The following USP54 variants were observed in gnomAD, a reference collection of about 807,000 sequenced individuals.
USP54 encodes the protein ubiquitin specific peptidase 54.
Under a neutral mutation model 170.5 loss-of-function variants are expected in USP54, and 87 were observed. The observed-to-expected ratio is 0.51, with a 90% CI of 0.43 to 0.61. The LOEUF (loss-of-function observed/expected upper bound fraction) is 0.61. USP54 is among the 20% of genes least tolerant of loss of function. USP54 has a pLI of 0.00. For synonymous variants in USP54, 655 were observed against 742.8 expected, an observed-to-expected ratio of 0.88 and a Z score of 1.92; for missense variants, 1,786 against 2,047.8, an observed-to-expected ratio of 0.87 and a Z score of 2.47.
At chr10:73,594,161 C>T (rs1467658649), upstream of USP54, among the ~76,000 whole-genome samples, 1 of 152,030 alleles carries the variant, frequency 6.6e-6, no homozygotes, top group Non-Finnish European at 1.5e-5. Flanking sequence ...ACCTCCACTT[C>T]CCAGGTTCAA....
chr10:73,506,446 T>C (rs1454556245), intron 20 of USP54: 8 of 152,336 alleles, frequency 5.3e-5, no homozygotes, highest in African/African-American at 1.9e-4. Flanking sequence ...AATTAAGTTT[T>C]CCATTCCAAA....
At chr10:73,576,506 GA>G (rs112010968) in intron 1 of USP54, 145 bp from the exon 2 acceptor site, 5,261 of 74,828 alleles carry the variant, frequency 0.07, 139 homozygotes, top group South Asian at 0.19. Flanking sequence ...AAGAAAAAAA[GA>G]AAAAAAAAAA....
At chr10:73,625,979 T>A (rs2081510730), upstream of USP54, 1 of 150,536 alleles carries the variant, frequency 6.6e-6, no homozygotes, top group African/African-American at 2.4e-5. Flanking sequence ...CTGCTATAGC[T>A]ACAGGGAGCC....
chr10:73,553,948 T>G (rs1352427679), intron 4 of USP54, among the ~76,000 whole-genome samples: 2 of 152,230 alleles, frequency 1.3e-5, no homozygotes, highest in South Asian at 2.1e-4. Flanking sequence ...TCTATCCACA[T>G]GAGCACATAA....
At chr10:73,500,262 C>T (rs567908366) in intron 23 of USP54, among the ~76,000 whole-genome samples, 9 of 152,270 alleles carry the variant, frequency 5.9e-5, no homozygotes, top group African/African-American at 2.2e-4. Flanking sequence ...CTAGACCATC[C>T]CTCAGCTGAG....
At chr10:73,572,281 A>G (rs147337027) in intron 3 of USP54, among the ~76,000 whole-genome samples, 1 of 152,344 alleles carries the variant, frequency 6.6e-6, no homozygotes, top group Non-Finnish European at 1.5e-5. Flanking sequence ...CAGGAGCCTA[A>G]GAAGACATGA....
At chr10:73,569,646 G>A (rs1018919406) in intron 4 of USP54, among the ~76,000 whole-genome samples, 3 of 151,324 alleles carry the variant, frequency 2.0e-5, no homozygotes, top group Non-Finnish European at 2.9e-5. Flanking sequence ...CCAGCTACTC[G>A]GGAGGTTGAG....
chr10:73,605,164 G>A (rs113353895), intron 1 of USP54, among the ~76,000 whole-genome samples: 5,472 of 152,146 alleles, frequency 0.036, 153 homozygotes, highest in South Asian at 0.12. Context: ...GTCCCCACTC[G>A]ACCCAGGAGG....
At chr10:73,575,216 CTCTG>C (rs2075947561) in intron 3 of USP54, among the ~76,000 whole-genome samples, 1 of 152,174 alleles carries the variant, frequency 6.6e-6, no homozygotes, top group East Asian at 1.9e-4. Context: ...CAGAGCAAGA[CTCTG>C]TCTGAAAGAT....
At position 73,500,802 on chromosome 10, in the gene USP54, G is replaced by A; in HGVS notation, c.4348C>T (p.His1450Tyr). The A allele has an allele frequency of 5.0e-6, 8 of 1,599,260 alleles. No individual in the cohort carries two copies. The highest frequency in any genetic ancestry group is 5.1e-6 in the Non-Finnish European group (6 of 1,174,918). The change falls in exon 23 of 24, where the codon CAC (histidine) becomes TAC (tyrosine). Residue 1450 changes from histidine (H) to tyrosine (Y), a missense_variant. By Grantham distance (83) the His-to-Tyr change is moderately conservative. This residue lies in a region of USP54 where 1,418 missense variants were observed against 1,569.0 expected (regional missense o/e 0.90). Transcript: ENST00000687698. ...AGGGAAGAGGAGCTGGAACAACGGT[G>A]CCCGGTTTCCAAAGGCTTCCTCACG... is the stretch of plus-strand genomic sequence containing the variant. ...SNVRKPLETG[H>Y]RCSSSSSLPV...
At chr10:73,528,930 T>C (rs1159417097) in intron 15 of USP54, 2 of 152,226 alleles carry the variant, frequency 1.3e-5, no homozygotes, top group African/African-American at 4.8e-5. Context: ...ATTTTTTTTG[T>C]TTTTGTGGCA....
chr10:73,593,849 C>G (rs950352029), upstream of USP54, among the ~76,000 whole-genome samples: 5 of 152,070 alleles, frequency 3.3e-5, no homozygotes, highest in Non-Finnish European at 7.4e-5. Context: ...TAAGGTACAA[C>G]AGAATGTTCA....
At chr10:73,564,113 T>C (rs2073760312) in intron 4 of USP54, among the ~76,000 whole-genome samples, 1 of 152,046 alleles carries the variant, frequency 6.6e-6, no homozygotes, top group South Asian at 2.1e-4. Flanking sequence ...GTGAACCTCC[T>C]GCCTCAGCCT....
chr10:73,596,024 T>C (rs1485529574), upstream of USP54, among the ~76,000 whole-genome samples: 1 of 150,692 alleles, frequency 6.6e-6, no homozygotes, highest in African/African-American at 2.4e-5. Flanking sequence ...GGCAGGAGAA[T>C]CGCTTGAACC....
intron 15 of USP54, among the ~76,000 whole-genome samples, chr10:73,527,498 C>CAAA (rs931778033): frequency 1.9e-5 from 1 of 52,088 alleles, no homozygotes; most frequent in Non-Finnish European, 4.0e-5. Flanking sequence ...CACTCCATCT[C>CAAA]AAAAAAAAAA....
At chr10:73,550,495 A>C (rs553155190) in intron 4 of USP54, among the ~76,000 whole-genome samples, 2 of 152,250 alleles carry the variant, frequency 1.3e-5, no homozygotes, top group African/African-American at 2.4e-5. Flanking sequence ...AGCAATTATT[A>C]CTATCTGTCA....
intron 22 of USP54, among the ~76,000 whole-genome samples, chr10:73,503,001 GAT>G: frequency 6.6e-6 from 1 of 152,210 alleles, no homozygotes; most frequent in South Asian, 2.1e-4. Context: ...AACTCCCACT[GAT>G]GTTTACTTCC....
chr10:73,508,228 G>A (rs953205188), intron 20 of USP54, among the ~76,000 whole-genome samples: 4 of 151,914 alleles, frequency 2.6e-5, no homozygotes, highest in African/African-American at 4.8e-5. Flanking sequence ...CCAACATGGC[G>A]AAACCCTGTC....
chr10:73,562,465 T>C (rs1295124343), intron 4 of USP54, among the ~76,000 whole-genome samples: 1 of 152,212 alleles, frequency 6.6e-6, no homozygotes, highest in Non-Finnish European at 1.5e-5. Context: ...TCTACAGACT[T>C]ATCACATGCA....
Sources: gnomAD v4.1 joint callset for allele counts (sites outside exome capture counted in the v4.1 genomes callset) on GRCh38, gnomAD v4.1.1 for gene constraint, gnomAD v4.1.1 regional missense constraint, MANE v1.5 for transcripts, NCBI Gene and HGNC (gene_info 2026-07-23, HGNC 2026-07-21) for gene names.